RBFOX1: variants seen among roughly 807,000 people sequenced by gnomAD.
The protein encoded by RBFOX1 is RNA binding protein fox-1 homolog 1.
In RBFOX1, 8 loss-of-function variants were observed where a neutral mutation model predicts 57.7. The ratio of observed to expected loss-of-function variants is 0.14; its 90% CI spans 0.08 to 0.25. The LOEUF (loss-of-function observed/expected upper bound fraction) is 0.25. RBFOX1 is among the 10% of genes least tolerant of loss of function. The pLI is 1.00. For synonymous variants in RBFOX1, 326 were observed against 222.4 expected, an observed-to-expected ratio of 1.47 and a Z score of -4.15; for missense variants, 611 against 548.5, an observed-to-expected ratio of 1.11 and a Z score of -1.14.
intron 1 of RBFOX1, among the ~76,000 whole-genome samples, chr16:6,209,215 G>C: frequency 6.6e-6 from 1 of 152,130 alleles, no homozygotes; most frequent in Non-Finnish European, 1.5e-5. Context: ...TGGAGAATGT[G>C]AAGGCATCTT....
chr16:5,851,117 C>G (rs1442664313), intron 3 of RBFOX1, among the ~76,000 whole-genome samples: 3 of 152,206 alleles, frequency 2.0e-5, no homozygotes, highest in Non-Finnish European at 4.4e-5. Context: ...GTGCTGTGGA[C>G]TTACCCTCAC....
intron 1 of RBFOX1, among the ~76,000 whole-genome samples, chr16:6,178,116 G>A (rs1023718887): frequency 3.3e-5 from 5 of 150,242 alleles, no homozygotes; most frequent in Admixed American, 6.6e-5. Context: ...TGAATATTTG[G>A]TTATGGTCAT....
At chr16:6,417,148 A>T (rs1353211454) in intron 2 of RBFOX1, among the ~76,000 whole-genome samples, 1 of 152,032 alleles carries the variant, frequency 6.6e-6, no homozygotes, top group African/African-American at 2.4e-5. Flanking sequence ...AGTAGCTGAG[A>T]TTACAGGTGT....
intron 2 of RBFOX1, among the ~76,000 whole-genome samples, chr16:6,597,937 A>C (rs2097793788): frequency 6.6e-6 from 1 of 152,204 alleles, no homozygotes; most frequent in South Asian, 2.1e-4. Flanking sequence ...GTGAAACAGA[A>C]AAGTAGAAGG....
rs569154125 is a variant in RBFOX1 at position 6,970,154 on chromosome 16, G to A, written c.-15-81903G>A. On this transcript the variant is annotated intron_variant, in intron 3 of 15. Transcript: ENST00000550418. Reference sequence around the variant, plus strand: ...GATGGTGTCACTGCATTCCAGCCTGGGCAACAGAACAAGACTCTGGGGGGA... The same window carrying A: ...GATGGTGTCACTGCATTCCAGCCTGAGCAACAGAACAAGACTCTGGGGGGA... Among the ~76,000 whole-genome samples, 14 of 151,488 alleles carry A rather than the reference G, an allele frequency of 9.2e-5. No homozygotes were observed. The South Asian group carries it at 1.5e-3, about 16-fold the overall frequency.
At chr16:7,687,695 GATT>G (rs1303038358) in intron 14 of RBFOX1, among the ~76,000 whole-genome samples, 3 of 152,010 alleles carry the variant, frequency 2.0e-5, no homozygotes, top group Non-Finnish European at 4.4e-5. Context: ...TGGTAAGCAT[GATT>G]ATAAGACAAT....
At chr16:5,628,321 TTTTTCTTTTTC>T (rs2048404294) in intron 3 of RBFOX1, among the ~76,000 whole-genome samples, 1 of 152,208 alleles carries the variant, frequency 6.6e-6, no homozygotes, top group Non-Finnish European at 1.5e-5. Context: ...GACTAAATTC[TTTTTCTTTTTC>T]TTTTCTTTTT....
chr16:5,665,139 G>GC (rs897243406), intron 3 of RBFOX1, among the ~76,000 whole-genome samples: 5 of 115,450 alleles, frequency 4.3e-5, no homozygotes, highest in Admixed American at 2.5e-4. Flanking sequence ...CATGGGGGGG[G>GC]GCGGTCTTGC....
chr16:6,814,980 A>G (rs1231018199), intron 3 of RBFOX1, among the ~76,000 whole-genome samples: 1 of 152,182 alleles, frequency 6.6e-6, no homozygotes, highest in East Asian at 1.9e-4. Flanking sequence ...GAGCAGTGGT[A>G]TGGGCCGCCC....
chr16:6,460,591 A>C (rs2094894750), intron 2 of RBFOX1, among the ~76,000 whole-genome samples: 1 of 152,196 alleles, frequency 6.6e-6, no homozygotes, highest in African/African-American at 2.4e-5. Context: ...AAAAGTTAAG[A>C]AACAACAGAT....
chr16:7,093,813 C>T (rs1202835944), intron 4 of RBFOX1, among the ~76,000 whole-genome samples: 1 of 152,016 alleles, frequency 6.6e-6, no homozygotes, highest in Non-Finnish European at 1.5e-5. Context: ...ATGCACATTT[C>T]CTCTTTGTCT....
chr16:6,882,369 C>T (rs563427157), intron 3 of RBFOX1, among the ~76,000 whole-genome samples: 4 of 152,066 alleles, frequency 2.6e-5, no homozygotes, highest in Non-Finnish European at 4.4e-5. Context: ...ACAGTTTAGT[C>T]ACCTAACCTC....
chr16:7,176,589 C>G (rs952165113), intron 4 of RBFOX1, among the ~76,000 whole-genome samples: 11 of 152,224 alleles, frequency 7.2e-5, no homozygotes, highest in South Asian at 6.2e-4. Context: ...TGTGTTTGTG[C>G]TACAACGACA....
rs527597234 is a variant in RBFOX1, at chr16:7,418,691, GA to G, written c.28-99448del. Among the ~76,000 whole-genome samples, 563 of 151,888 alleles carry G rather than the reference GA, an allele frequency of 3.7e-3. 1 individual carries two copies. The highest frequency in any genetic ancestry group is 0.012 in the African/African-American group (501 of 41,410). ...TTACTCCCTTACTTTTGCAAACCTG[GA>G]AAAAAAATTGATGCTATCTGCTCTC... On this transcript the variant is annotated intron_variant, in intron 4 of 15. Coordinates refer to ENST00000550418, the MANE Select transcript of RBFOX1 (RefSeq NM_018723.4).
intron 2 of RBFOX1, among the ~76,000 whole-genome samples, chr16:6,391,394 C>T (rs1024175514): frequency 1.3e-5 from 2 of 151,706 alleles, no homozygotes; most frequent in Non-Finnish European, 2.9e-5. Context: ...CCTGTAGTCC[C>T]AGCTACTGGG....
chr16:6,554,033 T>TATGAATGAATGAATGAATGAATGAATGA (rs34641433), intron 2 of RBFOX1, among the ~76,000 whole-genome samples: 2 of 151,806 alleles, frequency 1.3e-5, no homozygotes, highest in African/African-American at 4.9e-5. Context: ...GTTTTGAAAG[T>TATGAATGAATGAATGAATGAATGAATGA]ATGAATGAAT....
chr16:6,735,342 T>C (rs1180789163), intron 3 of RBFOX1, among the ~76,000 whole-genome samples: 1 of 152,244 alleles, frequency 6.6e-6, no homozygotes, highest in Non-Finnish European at 1.5e-5. Flanking sequence ...CCTGGTTACT[T>C]AGTGCCGTCA....
At chr16:7,228,227 T>C (rs1028321036) in intron 4 of RBFOX1, among the ~76,000 whole-genome samples, 1 of 151,990 alleles carries the variant, frequency 6.6e-6, no homozygotes, top group Non-Finnish European at 1.5e-5. Context: ...TACATATTTG[T>C]TGAATGAATG....
Position 7,712,270 on chromosome 16 carries a change from T to C in RBFOX1, c.*1525T>C, listed in dbSNP as rs1394365923. The C allele has an allele frequency of 2.6e-5, 4 of 152,626 alleles. No individual in the cohort carries two copies. The highest frequency in any genetic ancestry group is 6.5e-5 in the Admixed American group (1 of 15,278). The allele number at this position is 152,626 out of a possible 1,614,324, so 9.5% of individuals were successfully genotyped here. A position where few individuals can be genotyped will look rare whatever the true frequency, so the allele number is the denominator to read the frequency against. On this transcript the variant is annotated 3_prime_UTR_variant, in exon 16 of 16. Coordinates refer to ENST00000550418, the MANE Select transcript of RBFOX1 (RefSeq NM_018723.4). ...CTGTCCCTGAGTAGTTTTGCTGCCA[T>C]AGGTTAAGTCCTCATGTGTACAGTG...
Sources: allele counts gnomAD v4.1 joint callset (sites outside exome capture counted in the v4.1 genomes callset), GRCh38; gene constraint gnomAD v4.1.1; transcripts MANE v1.5; gene names NCBI Gene and HGNC (gene_info 2026-07-23, HGNC 2026-07-21).